ADAM9: variants seen among roughly 807,000 people sequenced by gnomAD.
ADAM9 encodes the protein ADAM metallopeptidase domain 9, also known as disintegrin and metalloproteinase domain-containing protein 9.
A neutral mutation model predicts 108.1 loss-of-function variants in ADAM9; 54 were observed. The observed-to-expected ratio is 0.50, with a 90% CI of 0.40 to 0.63. The LOEUF (loss-of-function observed/expected upper bound fraction) is 0.63, where lower values mean the gene tolerates loss of function less well. Among genes scored for constraint, ADAM9 ranks in the 20% least tolerant of loss-of-function variants. The pLI is 0.00. For missense variants in ADAM9, 830 were observed against 997.7 expected, an observed-to-expected ratio of 0.83 and a Z score of 2.26; for synonymous variants, 316 against 336.0, an observed-to-expected ratio of 0.94 and a Z score of 0.65.
chr8:39,101,658 C>A (rs539082515), intron 20 of ADAM9, among the ~76,000 whole-genome samples: 21 of 152,078 alleles, frequency 1.4e-4, no homozygotes, highest in African/African-American at 4.8e-4. Flanking sequence ...GGTCCCGTCC[C>A]CAAAATATCT....
intron 12 of ADAM9, among the ~76,000 whole-genome samples, chr8:39,045,954 A>G (rs564104650): frequency 1.3e-5 from 2 of 151,196 alleles, no homozygotes; most frequent in East Asian, 3.9e-4. Context: ...TTTAATATGC[A>G]TTCTCTGATT....
intron 19 of ADAM9, among the ~76,000 whole-genome samples, 199 bp from the exon 20 acceptor site, chr8:39,091,060 T>G (rs989709282): frequency 6.6e-6 from 1 of 152,238 alleles, no homozygotes; most frequent in Non-Finnish European, 1.5e-5. Context: ...ATGTGGTTAG[T>G]AATGCTTTCT....
At chr8:39,094,840 T>A (rs1839452864) in intron 20 of ADAM9, among the ~76,000 whole-genome samples, 1 of 152,090 alleles carries the variant, frequency 6.6e-6, no homozygotes, top group African/African-American at 2.4e-5. Context: ...ATTTTATTTA[T>A]CTTTTCAAAA....
intron 14 of ADAM9, among the ~76,000 whole-genome samples, 190 bp from the exon 15 acceptor site, chr8:39,071,108 A>G (rs1432311827): frequency 6.6e-6 from 1 of 152,106 alleles, no homozygotes; most frequent in Non-Finnish European, 1.5e-5. Flanking sequence ...ATTTATTTTT[A>G]CATTTTGTCA....
intron 1 of ADAM9, among the ~76,000 whole-genome samples, chr8:39,006,254 G>A (rs986037845): frequency 6.6e-6 from 1 of 152,144 alleles, no homozygotes; most frequent in Non-Finnish European, 1.5e-5. Context: ...GATTCTTACA[G>A]AAATATAAGG....
At chr8:39,055,004 C>G (rs898079194) in intron 13 of ADAM9, among the ~76,000 whole-genome samples, 3 of 151,964 alleles carry the variant, frequency 2.0e-5, no homozygotes, top group African/African-American at 7.2e-5. Flanking sequence ...TTTTTACTAC[C>G]TGCTTTTTTC....
rs188184271 is a variant in ADAM9, at chr8:39,018,798, G to A, written c.607-55G>A. 1.2e-5 allele frequency: 18 copies of A among 1,461,682 alleles called. No individual in the cohort carries two copies. In the East Asian group the frequency reaches 2.0e-4, roughly 17 times the overall value. The allele number at this position is 1,461,682 out of a possible 1,614,324, so 90.5% of individuals were successfully genotyped here. On this transcript the variant is annotated intron_variant, in intron 6 of 21. Transcript: ENST00000487273. ...GAAATAAGTGATGAGAGATTAGGAT[G>A]TGATCATAGCCTTATAACTTCCTTT...
At chr8:39,009,755 G>C (rs139149985) in intron 2 of ADAM9, among the ~76,000 whole-genome samples, 1 of 152,100 alleles carries the variant, frequency 6.6e-6, no homozygotes, top group Admixed American at 6.5e-5. Context: ...TAATTAACTC[G>C]TTAAAAAGTA....
chr8:39,022,595 CA>C (rs1836782237), intron 8 of ADAM9, among the ~76,000 whole-genome samples: 1 of 152,044 alleles, frequency 6.6e-6, no homozygotes, highest in Non-Finnish European at 1.5e-5. Context: ...CCAGTTTTAC[CA>C]AAAACTTAAT....
intron 18 of ADAM9, among the ~76,000 whole-genome samples, chr8:39,085,966 C>T (rs2129442725): frequency 6.6e-6 from 1 of 151,964 alleles, no homozygotes; most frequent in South Asian, 2.1e-4. Flanking sequence ...TCACATGTCA[C>T]TGATTGGCTG....
chr8:39,058,170 A>G (rs1478851359), intron 14 of ADAM9, among the ~76,000 whole-genome samples: 2 of 152,222 alleles, frequency 1.3e-5, no homozygotes, highest in East Asian at 1.9e-4. Flanking sequence ...TATCAAGTCA[A>G]TATGTCTTAT....
At chr8:39,022,727 T>A (rs949222338) in intron 8 of ADAM9, among the ~76,000 whole-genome samples, 2 of 152,184 alleles carry the variant, frequency 1.3e-5, no homozygotes, top group Admixed American at 6.5e-5. Context: ...GTATTTTTTT[T>A]TTTATGAGAT....
intron 15 of ADAM9, among the ~76,000 whole-genome samples, chr8:39,075,074 GTT>G (rs1420652666): frequency 6.6e-6 from 1 of 151,612 alleles, no homozygotes; most frequent in Non-Finnish European, 1.5e-5. Context: ...GCCTGGCTAA[GTT>G]TTGTATTTTT....
chr8:39,100,801 C>T (rs1564392698), intron 20 of ADAM9, among the ~76,000 whole-genome samples: 1 of 152,212 alleles, frequency 6.6e-6, no homozygotes, highest in Non-Finnish European at 1.5e-5. Flanking sequence ...TAGTAAAGAA[C>T]ATCTTGGTCA....
chr8:39,022,064 TTGTGTGTG>T lies in ADAM9; in HGVS notation c.744+377_744+384del, dbSNP rs552684363. Among the ~76,000 whole-genome samples, 294 of 141,568 alleles carry T rather than the reference TTGTGTGTG, an allele frequency of 2.1e-3. 2 individuals carry two copies. The highest frequency in any genetic ancestry group is 7.4e-3 in the African/African-American group (282 of 38,300). 92.9% of individuals were successfully genotyped at this position (141,568 alleles called of 152,430 possible). A position where few individuals can be genotyped will look rare whatever the true frequency, so the allele number is the denominator to read the frequency against. ...CCCTGAAAACATGATATGACAATAT[TTGTGTGTG>T]TGTGTGTGTGTGTGTGTGTGTGTGT... On this transcript the variant is annotated intron_variant, in intron 8 of 21. Coordinates refer to ENST00000487273, the MANE Select transcript of ADAM9 (RefSeq NM_003816.3).
Position 39,103,625 on chromosome 8 carries a change from G to A in ADAM9, c.2385G>A (p.Pro795=), listed in dbSNP as rs954652141. ...CTCGCAGGCCACCTCCACCACAACC[G>A]AAAGTATCATCTCAGGGAAACTTAA... ...QFPSRPPPPQ[P]KVSSQGNLIP... is the part of the protein sequence containing the mutation. The change falls in exon 22 of 22, where the codon CCG becomes CCA. Residue 795 remains proline (P), a synonymous_variant. Coordinates refer to ENST00000487273, the MANE Select transcript of ADAM9 (RefSeq NM_003816.3). The A allele has an allele frequency of 5.0e-6, 8 of 1,613,920 alleles. No individual in the cohort carries two copies. The highest frequency in any genetic ancestry group is 5.1e-6 in the Non-Finnish European group (6 of 1,179,910).
chr8:39,082,906 T>C, intron 17 of ADAM9, 62 bp from the exon 18 acceptor site: 1 of 1,465,334 alleles, frequency 6.8e-7, no homozygotes, highest in Middle Eastern at 1.7e-4. Flanking sequence ...TTTCCATTCT[T>C]GAGTTGATGA....
chr8:39,019,436 C>T (rs1056400135), intron 7 of ADAM9, among the ~76,000 whole-genome samples: 4 of 152,142 alleles, frequency 2.6e-5, no homozygotes, highest in Non-Finnish European at 4.4e-5. Flanking sequence ...AGAAACTGAA[C>T]TAAGTGCTTT....
At chr8:38,998,430 G>A (rs1835893719) in intron 1 of ADAM9, among the ~76,000 whole-genome samples, 1 of 152,156 alleles carries the variant, frequency 6.6e-6, no homozygotes, top group South Asian at 2.1e-4. Context: ...AAATAAGACT[G>A]TATTTTTAAA....
Sources: gnomAD v4.1 joint callset for allele counts (sites outside exome capture counted in the v4.1 genomes callset) on GRCh38, gnomAD v4.1.1 for gene constraint, MANE v1.5 for transcripts, NCBI Gene and HGNC (gene_info 2026-07-23, HGNC 2026-07-21) for gene names.